Variants in ZNF850 observed in about 807,000 individuals in gnomAD.
ZNF850 encodes the protein putative zinc finger protein ENSP00000330994.
In ZNF850, 2 loss-of-function variants were observed where a neutral mutation model predicts 11.9. That is an observed-to-expected ratio of 0.17 (90% CI 0.07 to 0.53). The LOEUF (loss-of-function observed/expected upper bound fraction) is 0.53, where lower values mean the gene tolerates loss of function less well. ZNF850 is among the 20% of genes least tolerant of loss of function. The pLI, the probability that ZNF850 is intolerant of heterozygous loss-of-function variation, is 0.94. For synonymous variants in ZNF850, 381 were observed against 443.0 expected, an observed-to-expected ratio of 0.86 and a Z score of 1.76; for missense variants, 1,014 against 1,316.4, an observed-to-expected ratio of 0.77 and a Z score of 3.55.
chr19:36,769,030 G>GT (rs2040564897), intron 1 of ZNF850, among the ~76,000 whole-genome samples: 1 of 151,456 alleles, frequency 6.6e-6, no homozygotes, highest in African/African-American at 2.4e-5. Context: ...GGAGGCAGAG[G>GT]TGGGTGAATC....
At position 36,749,206 on chromosome 19, in the gene ZNF850, T is replaced by C. The variant is rs1287312720; in HGVS notation, c.1834A>G (p.Thr612Ala). The change falls in exon 5 of 5, where the codon ACT (threonine) becomes GCT (alanine). Residue 612 changes from threonine (T) to alanine (A), a missense_variant. By Grantham distance (58) the Thr-to-Ala change is moderately conservative. Coordinates refer to ENST00000591344, the MANE Select transcript of ZNF850 (RefSeq NM_001193552.2). The stretch of plus-strand genomic sequence containing the variant: ...TTACAATCATAAGGTTTCTCACCAG[T>C]GTGAATTTGCTGATGTTGAAGTAGT... ...STLLQHQQIH[T>A]GEKPYDCKEC... The C allele has an allele frequency of 5.0e-6, 8 of 1,602,828 alleles. No individual in the cohort carries two copies. The highest frequency in any genetic ancestry group is 6.0e-6 in the Non-Finnish European group (7 of 1,176,418).
chr19:36,754,289 A>T (rs891636230), intron 4 of ZNF850, among the ~76,000 whole-genome samples: 1 of 152,170 alleles, frequency 6.6e-6, no homozygotes, highest in Non-Finnish European at 1.5e-5. Context: ...GACACAAAAA[A>T]GTTGAAGTAA....
intron 1 of ZNF850, among the ~76,000 whole-genome samples, chr19:36,765,875 C>T (rs368111360): frequency 4.2e-5 from 6 of 144,418 alleles, no homozygotes; most frequent in East Asian, 4.2e-4. Flanking sequence ...TGAGCCACCA[C>T]GCCCGGCCAA....
intron 4 of ZNF850, among the ~76,000 whole-genome samples, chr19:36,753,027 T>C (rs145318318): frequency 0.021 from 3,248 of 152,086 alleles, 50 homozygotes; most frequent in Middle Eastern, 0.054. Flanking sequence ...CTCAGCACTT[T>C]GGGAGTCTGA....
At chr19:36,760,514 C>T (rs926737005) in intron 4 of ZNF850, among the ~76,000 whole-genome samples, 1 of 151,782 alleles carries the variant, frequency 6.6e-6, no homozygotes, top group African/African-American at 2.4e-5. Flanking sequence ...CCATAACTGT[C>T]ACCCACCAAG....
chr19:36,761,362 C>A (rs1311687062), intron 4 of ZNF850, among the ~76,000 whole-genome samples: 1 of 151,930 alleles, frequency 6.6e-6, no homozygotes, highest in Non-Finnish European at 1.5e-5. Context: ...GTCGCTTCAA[C>A]CTGGGGACGG....
rs1474695914 is a variant in ZNF850, at chr19:36,748,231, A to C, written c.2809T>G (p.Phe937Val). The C allele has an allele frequency of 1.9e-6, 3 of 1,551,214 alleles. No individual in the cohort carries two copies. In the East Asian group the frequency reaches 7.3e-5, roughly 38 times the overall value. Residue 937 changes from phenylalanine (F) to valine (V), a missense_variant, in exon 5 of 5, where the codon TTC (phenylalanine) becomes GTC (valine). By Grantham distance (50) the Phe-to-Val change is conservative. Transcript: ENST00000591344. Reference protein sequence around the residue: ...CHECGKAFVRFSGLTKHHSIH... With the variant: ...CHECGKAFVRVSGLTKHHSIH... Reference sequence around the variant, plus strand: ...CTGTGATGTTTGGTGAGTCCTGAGAAACGGACAAAGGCTTTTCCACATTCA... The same window carrying C: ...CTGTGATGTTTGGTGAGTCCTGAGACACGGACAAAGGCTTTTCCACATTCA...
At chr19:36,767,392 A>G (rs2040555241) in intron 1 of ZNF850, among the ~76,000 whole-genome samples, 1 of 152,040 alleles carries the variant, frequency 6.6e-6, no homozygotes, top group Non-Finnish European at 1.5e-5. Context: ...CCCTGTCTCT[A>G]GTAAAAATAC....
intron 4 of ZNF850, 40 bp from the exon 5 acceptor site, chr19:36,750,844 G>A: frequency 6.9e-7 from 1 of 1,453,254 alleles, no homozygotes; most frequent in Non-Finnish European, 9.0e-7. Context: ...GCATTTCCTT[G>A]TTGAGTAGAA....
chr19:36,748,679 A>G lies in ZNF850; in HGVS notation c.2361T>C (p.Cys787=), dbSNP rs1568732472. The part of the protein sequence containing the change: ...QIHTGEKLYD[C]KECGKSFTSH... ...AAGTAAAAGATTTCCCACATTCCTTACAATCATAGAGCTTCTCACCAGTGT... is the reference window on the plus strand; with the variant it reads ...AAGTAAAAGATTTCCCACATTCCTTGCAATCATAGAGCTTCTCACCAGTGT... Residue 787 remains cysteine, a synonymous_variant, in exon 5 of 5, where the codon TGT becomes TGC. Coordinates refer to ENST00000591344, the MANE Select transcript of ZNF850 (RefSeq NM_001193552.2). 3 of 1,537,960 alleles carry G rather than the reference A, an allele frequency of 2.0e-6. No homozygotes were observed. The highest frequency in any genetic ancestry group is 2.6e-6 in the Non-Finnish European group (3 of 1,147,110).
At chr19:36,764,547 T>G (rs1375031817) in intron 1 of ZNF850, among the ~76,000 whole-genome samples, 2 of 152,140 alleles carry the variant, frequency 1.3e-5, no homozygotes, top group South Asian at 2.1e-4. Flanking sequence ...CTACAACATT[T>G]GTTACATAGA....
Position 36,750,773 on chromosome 19 carries a change from TG to T in ZNF850, c.266del (p.Ser89TyrfsTer10). The T allele has an allele frequency of 6.6e-7, 1 of 1,524,958 alleles. No homozygotes were observed. Among genetic ancestry groups the T allele is most frequent in the Non-Finnish European group, 8.8e-7 (1 of 1,140,420 alleles). The allele number at this position is 1,524,958 out of a possible 1,614,324, so 94.5% of individuals were successfully genotyped here. Reference protein sequence around the residue: ...DSEFRCKTKDSCLPKEIYEVT... With the variant: ...DSEFRCKTKDXCLPKEIYEVT... Reference sequence around the variant, plus strand: ...CTTCATAGATTTCTTTTGGCAAACATGAATCTTTGGTCTTACATCTAAACTC... The same window carrying T: ...CTTCATAGATTTCTTTTGGCAAACATAATCTTTGGTCTTACATCTAAACTC... On this transcript the variant is annotated frameshift_variant, in exon 5 of 5. Transcript: ENST00000591344. LOFTEE classifies it low-confidence loss of function (END_TRUNC).
Position 36,749,167 on chromosome 19 carries a change from C to T in ZNF850, c.1873G>A (p.Ala625Thr), listed in dbSNP as rs779794110. The T allele has an allele frequency of 5.6e-6, 9 of 1,594,572 alleles. No homozygotes were observed. The Admixed American group carries it at 6.9e-5, about 12-fold the overall frequency. Residue 625 changes from alanine (A) to threonine (T), a missense_variant, in exon 5 of 5, where the codon GCC becomes ACC. Around this residue, in one of 2 missense-constraint regions of ZNF850, gnomAD observed 835 missense variants for 1,022.0 expected, o/e 0.82. Coordinates refer to ENST00000591344, the MANE Select transcript of ZNF850 (RefSeq NM_001193552.2). ...GTAAGTCGTAAACGAAGTCTAAAGG[C>T]CTTCCCACATTCCTTACAATCATAA... ...KPYDCKECGK[A>T]FRLRLRLTQH...
At chr19:36,761,350 G>T (rs1309034199) in intron 4 of ZNF850, among the ~76,000 whole-genome samples, 3 of 152,008 alleles carry the variant, frequency 2.0e-5, no homozygotes, top group African/African-American at 7.2e-5. Context: ...TGAGGCAGGA[G>T]AGTCGCTTCA....
At chr19:36,757,503 CTTTTT>C (rs57226971) in intron 4 of ZNF850, among the ~76,000 whole-genome samples, 1 of 97,398 alleles carries the variant, frequency 1.0e-5, no homozygotes, top group Non-Finnish European at 2.1e-5. Context: ...AATATAGTTT[CTTTTT>C]TTTTTTTTTT....
chr19:36,752,420 G>A (rs1208693550), intron 4 of ZNF850, among the ~76,000 whole-genome samples: 1 of 152,176 alleles, frequency 6.6e-6, no homozygotes, highest in Non-Finnish European at 1.5e-5. Context: ...ATTGGCCAAA[G>A]ATGGGACAAG....
chr19:36,748,958 A>G lies in ZNF850; in HGVS notation c.2082T>C (p.Ile694=). 1 of 1,592,614 alleles carries G rather than the reference A, an allele frequency of 6.3e-7. No homozygotes were observed. Among genetic ancestry groups the G allele is most frequent in the Non-Finnish European group, 8.5e-7 (1 of 1,170,320 alleles). ...ATTCATAAGGTTTCTCACCAGTATG[A>G]ATTCTCCGATGTTGATTAAGGTATG... The part of the protein sequence containing the change: ...QRTYLNQHRR[I]HTGEKPYECK... The change falls in exon 5 of 5, where the codon ATT becomes ATC. Residue 694 remains isoleucine, a synonymous_variant. Coordinates refer to ENST00000591344, the MANE Select transcript of ZNF850 (RefSeq NM_001193552.2).
Position 36,748,924 on chromosome 19 carries a change from A to G in ZNF850, c.2116T>C (p.Cys706Arg). 1 of 1,572,006 alleles carries G rather than the reference A, an allele frequency of 6.4e-7. No homozygotes were observed. The highest frequency in any genetic ancestry group is 1.7e-4 in the Middle Eastern group (1 of 6,024). ...GAGCAGAAAGTAAAAGATTTCCCACATTCTTTACATTCATAAGGTTTCTCA... is the reference window on the plus strand; with the variant it reads ...GAGCAGAAAGTAAAAGATTTCCCACGTTCTTTACATTCATAAGGTTTCTCA... Reference protein sequence around the residue: ...TGEKPYECKECGKSFTFCSGL... With the variant: ...TGEKPYECKERGKSFTFCSGL... Residue 706 changes from cysteine to arginine, a missense_variant, in exon 5 of 5, where the codon TGT (cysteine) becomes CGT (arginine). Physicochemically the swap from Cys to Arg is radical, Grantham distance 180. Coordinates refer to ENST00000591344, the MANE Select transcript of ZNF850 (RefSeq NM_001193552.2).
At position 36,761,645 on chromosome 19, in the gene ZNF850, C is replaced by T. The variant is rs543393123; in HGVS notation, c.233G>A (p.Arg78Gln). 7.8e-6 allele frequency: 12 copies of T among 1,538,718 alleles called. No individual in the cohort carries two copies. Among genetic ancestry groups the T allele is most frequent in the East Asian group, 7.1e-5 (3 of 42,162 alleles). Residue 78 changes from arginine (R) to glutamine (Q), a missense_variant and splice_region_variant, in exon 4 of 5, where the codon CGA becomes CAA. Arg to Gln is a conservative substitution (Grantham distance 43). Around this residue, in one of 2 missense-constraint regions of ZNF850, gnomAD observed 835 missense variants for 1,022.0 expected, o/e 0.82. Coordinates refer to ENST00000591344, the MANE Select transcript of ZNF850 (RefSeq NM_001193552.2). ...CCATGTGCTCAGTCCTTACTCACCTCGGCACCATCCTCCCAGCACGTCCCT... is the reference window on the plus strand; with the variant it reads ...CCATGTGCTCAGTCCTTACTCACCTTGGCACCATCCTCCCAGCACGTCCCT... ...VSRDVLGGWC[R>Q]DSEFRCKTKD...
Sources: allele counts gnomAD v4.1 joint callset (sites outside exome capture counted in the v4.1 genomes callset), GRCh38; gene constraint gnomAD v4.1.1; regional missense constraint gnomAD v4.1.1; transcripts MANE v1.5; gene names NCBI Gene and HGNC (gene_info 2026-07-23, HGNC 2026-07-21).